The following PITPNM2 variants were observed in gnomAD, a reference collection of about 807,000 sequenced individuals.
The protein encoded by PITPNM2 is membrane-associated phosphatidylinositol transfer protein 2.
PITPNM2 carries 35 observed loss-of-function variants against 132.2 expected under a neutral mutation model. The ratio of observed to expected loss-of-function variants is 0.26; its 90% CI spans 0.20 to 0.35. The LOEUF (loss-of-function observed/expected upper bound fraction) is 0.35, where lower values mean the gene tolerates loss of function less well. Ranked by LOEUF, PITPNM2 falls within the 10% of genes least tolerant of loss-of-function variation. PITPNM2 has a pLI of 1.00. For missense variants in PITPNM2, 1,332 were observed against 1,912.0 expected (o/e 0.70, Z 5.66); for synonymous variants, 738 against 799.2 (o/e 0.92, Z 1.29).
chr12:123,004,345 C>A lies in PITPNM2; in HGVS notation c.1048+49G>T. ...ACCCTAAGCCCTTTCAGACCCCTCC[C>A]CACCTCGCCCAGGAAGGCCCCAAGG... On this transcript the variant is annotated intron_variant, in intron 8 of 25. Coordinates refer to ENST00000320201, the MANE Select transcript of PITPNM2 (RefSeq NM_020845.3). The surrounding 1 kb of genome is among the most constrained non-coding windows in gnomAD (Gnocchi z 4.9). The A allele has an allele frequency of 3.8e-6, 6 of 1,583,408 alleles. No homozygotes were observed. The highest frequency in any genetic ancestry group is 5.2e-6 in the Non-Finnish European group (6 of 1,153,820).
At chr12:123,035,351 T>C (rs1187089122) in intron 2 of PITPNM2, among the ~76,000 whole-genome samples, 1 of 152,184 alleles carries the variant, frequency 6.6e-6, no homozygotes, top group Non-Finnish European at 1.5e-5. Context: ...TGATGAAGAT[T>C]TGTCCCTAAG....
chr12:123,054,474 C>T lies in PITPNM2; in HGVS notation c.-95-19789G>A, dbSNP rs2040957027. Reference sequence around the variant, plus strand: ...CTTCCCAGGGATTTTCTTTTTTAAACTTGGGGTCAAAGAGAGAATGTGGGT... The same window carrying T: ...CTTCCCAGGGATTTTCTTTTTTAAATTTGGGGTCAAAGAGAGAATGTGGGT... On this transcript the variant is annotated intron_variant, in intron 2 of 25. Transcript: ENST00000320201. Among the ~76,000 whole-genome samples, 2 of 152,150 alleles carry T rather than the reference C, an allele frequency of 1.3e-5. 1 individual carries two copies. Among genetic ancestry groups the T allele is most frequent in the Admixed American group, 1.3e-4 (2 of 15,266 alleles).
chr12:123,032,295 G>A (rs1266872259), intron 3 of PITPNM2, among the ~76,000 whole-genome samples: 1 of 152,214 alleles, frequency 6.6e-6, no homozygotes, highest in East Asian at 1.9e-4. Flanking sequence ...TGGCCAACAT[G>A]GTGAAACCCT....
At chr12:123,012,771 T>C (rs999898004) in intron 4 of PITPNM2, 37 bp from the exon 5 acceptor site, 1 of 1,609,070 alleles carries the variant, frequency 6.2e-7, no homozygotes, top group East Asian at 2.2e-5. Flanking sequence ...GGACCTGTCC[T>C]TGGAGAGGCC....
chr12:123,147,916 G>C (rs553582727), intron 1 of PITPNM2, among the ~76,000 whole-genome samples: 1 of 152,172 alleles, frequency 6.6e-6, no homozygotes, highest in Non-Finnish European at 1.5e-5. Flanking sequence ...CAAACAAAAC[G>C]TGTTTTCCTT....
Position 122,996,590 on chromosome 12 carries a change from G to A in PITPNM2, c.1663-13C>T, listed in dbSNP as rs367766444. ...CAATCAGGCAGACCTTGGGAGAGAG[G>A]GGCCAGAGGCCTGAGCCATTCACCC... On this transcript the variant is annotated splice_polypyrimidine_tract_variant and intron_variant, in intron 12 of 25. Coordinates refer to ENST00000320201, the MANE Select transcript of PITPNM2 (RefSeq NM_020845.3). The A allele has an allele frequency of 6.8e-6, 11 of 1,612,924 alleles. No homozygotes were observed. In the African/African-American group the frequency reaches 1.5e-4, roughly 22 times the overall value.
intron 5 of PITPNM2, 72 bp downstream of exon 5, chr12:123,012,541 G>A (rs1044717841): frequency 8.7e-5 from 136 of 1,561,082 alleles, no homozygotes; most frequent in Non-Finnish European, 1.1e-4. Context: ...GGGGAAAAGG[G>A]GCAGGACAAG....
chr12:123,108,129 C>T lies in PITPNM2; in HGVS notation c.-96+2256G>A, dbSNP rs570233931. Among the ~76,000 whole-genome samples the T allele has an allele frequency of 3.3e-4, 51 of 152,296 alleles. No individual in the cohort carries two copies. Among genetic ancestry groups the T allele is most frequent in the African/African-American group, 1.2e-3 (50 of 41,546 alleles). On this transcript the variant is annotated intron_variant, in intron 2 of 25. Transcript: ENST00000320201. This position sits in a 1 kb window ranked among gnomAD's most constrained non-coding sequence, Gnocchi z 4.4. ...AGAATGTACCAGCATATAAACTAGA[C>T]GCGGGCAGGGATGCCTGTCTGTTTT...
At chr12:123,102,035 A>G (rs2042575687) in intron 2 of PITPNM2, among the ~76,000 whole-genome samples, 1 of 152,242 alleles carries the variant, frequency 6.6e-6, no homozygotes. Flanking sequence ...CTTAAAAATA[A>G]TAGTGCCCAC....
At chr12:123,069,758 C>T (rs990168758) in intron 2 of PITPNM2, among the ~76,000 whole-genome samples, 2 of 152,208 alleles carry the variant, frequency 1.3e-5, no homozygotes, top group Admixed American at 6.5e-5. Context: ...GGCTCGGCCA[C>T]AGCAGTTGCT....
At chr12:123,116,172 T>A (rs2042932982) in intron 1 of PITPNM2, among the ~76,000 whole-genome samples, 1 of 152,174 alleles carries the variant, frequency 6.6e-6, no homozygotes, top group South Asian at 2.1e-4. Context: ...GGTTTGTATC[T>A]CTAAGCTTAG....
Position 122,986,060 on chromosome 12 carries a change from G to A in PITPNM2, c.4017C>T (p.Arg1339=), listed in dbSNP as rs1173509815. The A allele has an allele frequency of 7.1e-7, 1 of 1,415,570 alleles. No homozygotes were observed. The highest frequency in any genetic ancestry group is 9.1e-7 in the Non-Finnish European group (1 of 1,096,254). The allele number at this position is 1,415,570 out of a possible 1,614,324, so 87.7% of individuals were successfully genotyped here. A position where few individuals can be genotyped will look rare whatever the true frequency, so the allele number is the denominator to read the frequency against. ...GGCCCGCGGCTGCCCCCGGCTCCAGGCGGCCAGTCATGGCGCGGCCCCAGC... is the reference window on the plus strand; with the variant it reads ...GGCCCGCGGCTGCCCCCGGCTCCAGACGGCCAGTCATGGCGCGGCCCCAGC... ...AGCWGRAMTG[R]LEPGAAAGPK is the part of the protein sequence containing the mutation. Residue 1339 remains arginine (R), a synonymous_variant, in exon 26 of 26, where the codon CGC becomes CGT. Transcript: ENST00000320201.
At chr12:123,129,066 CAG>C (rs1386398735) in intron 1 of PITPNM2, among the ~76,000 whole-genome samples, 1 of 151,756 alleles carries the variant, frequency 6.6e-6, no homozygotes. Context: ...ACCCGGGAGG[CAG>C]AGATTGCAGT....
In PITPNM2 at chr12:122,987,318, C is replaced by G. The variant is rs762885179; in HGVS notation, c.3376G>C (p.Asp1126His). The change falls in exon 23 of 26, where the codon GAC (aspartate) becomes CAC (histidine). Residue 1126 changes from aspartate to histidine, a missense_variant. By Grantham distance (81) the Asp-to-His change is moderately conservative (BLOSUM62 -1). Coordinates refer to ENST00000320201, the MANE Select transcript of PITPNM2 (RefSeq NM_020845.3). ...ACGGCCCCGGCCCGCACCTTGGGGT[C>G]GCTGCCCATGATGGACACGCTAGCG... is the stretch of plus-strand genomic sequence containing the variant. ...FAASVSIMGS[D>H]PKVRAGAVDV... 1.2e-6 allele frequency: 2 copies of G among 1,612,076 alleles called. No individual in the cohort carries two copies. Among genetic ancestry groups the G allele is most frequent in the East Asian group, 4.5e-5 (2 of 44,888 alleles).
chr12:123,114,990 A>G (rs990739981), intron 1 of PITPNM2, among the ~76,000 whole-genome samples: 5 of 151,994 alleles, frequency 3.3e-5, no homozygotes, highest in African/African-American at 1.2e-4. Flanking sequence ...AGCAGTGGGG[A>G]CTCAGGGAAA....
At chr12:123,068,840 C>T (rs1592988937) in intron 2 of PITPNM2, among the ~76,000 whole-genome samples, 2 of 152,316 alleles carry the variant, frequency 1.3e-5, no homozygotes, top group East Asian at 3.9e-4. Context: ...CTTCAAGGGA[C>T]ATGGTCAGGA....
In PITPNM2 at chr12:123,078,386, G is replaced by A. The variant is rs956379603; in HGVS notation, c.-96+31999C>T. ...GGCCACCACCATGCCAAGGAAAAGGGAGGAGATGGGGGCTTTCTCGCCTGG... is the reference window on the plus strand; with the variant it reads ...GGCCACCACCATGCCAAGGAAAAGGAAGGAGATGGGGGCTTTCTCGCCTGG... On this transcript the variant is annotated intron_variant, in intron 2 of 25. Transcript: ENST00000320201. This position sits in a 1 kb window ranked among gnomAD's most constrained non-coding sequence, Gnocchi z 7.3. Among the ~76,000 whole-genome samples the A allele has an allele frequency of 1.3e-5, 2 of 152,180 alleles. No homozygotes were observed. The highest frequency in any genetic ancestry group is 4.8e-5 in the African/African-American group (2 of 41,440).
intron 2 of PITPNM2, among the ~76,000 whole-genome samples, chr12:123,068,490 TAAATAAATAAAA>T (rs59643249): frequency 0.059 from 6,068 of 102,210 alleles, 408 homozygotes; most frequent in African/African-American, 0.15. Flanking sequence ...AATAAATAAA[TAAATAAATAAAA>T]ATAATCCTTG....
At chr12:122,990,496 C>T (rs2136072829) in intron 17 of PITPNM2, 49 bp downstream of exon 17, 1 of 1,602,232 alleles carries the variant, frequency 6.2e-7, no homozygotes, top group Non-Finnish European at 8.5e-7. Flanking sequence ...CCCCTGTGGG[C>T]ACAATGGCCC....
Sources: allele counts gnomAD v4.1 joint callset (sites outside exome capture counted in the v4.1 genomes callset), GRCh38; gene constraint gnomAD v4.1.1; non-coding constraint Gnocchi (gnomAD v3.1); transcripts MANE v1.5; gene names NCBI Gene and HGNC (gene_info 2026-07-23, HGNC 2026-07-21).